Variants in L3MBTL4 observed in about 807,000 individuals in gnomAD.
The protein encoded by L3MBTL4 is L3MBTL histone methyl-lysine binding protein 4, also known as lethal(3)malignant brain tumor-like protein 4.
L3MBTL4 carries 70 observed loss-of-function variants against 84.5 expected under a neutral mutation model. The observed-to-expected ratio is 0.83, with a 90% confidence interval of 0.68 to 1.01. The LOEUF is 1.01. L3MBTL4 is among the 50% of genes least tolerant of loss of function. The pLI is 0.00. For missense variants in L3MBTL4, 715 were observed against 754.8 expected, an observed-to-expected ratio of 0.95 and a Z score of 0.62; for synonymous variants, 274 against 259.8, an observed-to-expected ratio of 1.05 and a Z score of -0.52.
Position 6,342,582 on chromosome 18 carries a change from T to G in L3MBTL4, c.-90-30526A>C, listed in dbSNP as rs148136804. 7.0e-3 allele frequency among the ~76,000 whole-genome samples: 1,070 copies of G among 152,046 alleles called. 18 individuals carry two copies. Among genetic ancestry groups the G allele is most frequent in the African/African-American group, 0.024 (1,012 of 41,478 alleles). On this transcript the variant is annotated intron_variant, in intron 1 of 18. Transcript: ENST00000317931. ...CAAAGAAAGCCGATGTGTTAGGTAT[T>G]TAAAAGAGAAAGATAGAGGAATCAA... is the stretch of plus-strand genomic sequence containing the variant.
At chr18:6,104,839 G>T (rs897775052) in intron 14 of L3MBTL4, among the ~76,000 whole-genome samples, 5 of 152,142 alleles carry the variant, frequency 3.3e-5, no homozygotes, top group Admixed American at 6.5e-5. Flanking sequence ...TATTAAAGAA[G>T]TTGGTTGCCA....
At position 6,098,474 on chromosome 18, in the gene L3MBTL4, A is replaced by G. The variant is rs151252971; in HGVS notation, c.1200-4946T>C. Among the ~76,000 whole-genome samples, 1,036 of 152,352 alleles carry G rather than the reference A, an allele frequency of 6.8e-3. 9 individuals are homozygous for G. The highest frequency in any genetic ancestry group is 0.024 in the African/African-American group (993 of 41,590). On this transcript the variant is annotated intron_variant, in intron 14 of 18. Transcript: ENST00000317931. The stretch of plus-strand genomic sequence containing the variant: ...GACAAATTTAAGCAAAATGGCAAAG[A>G]TGTAATAGCCTCTTGAGTGCTGCAG...
chr18:6,297,087 A>G (rs993994909), intron 4 of L3MBTL4, among the ~76,000 whole-genome samples: 5 of 152,200 alleles, frequency 3.3e-5, no homozygotes, highest in Admixed American at 2.6e-4. Flanking sequence ...GGTTCCATCA[A>G]TTAACACAAT....
chr18:6,036,942 T>G (rs1377466465), intron 16 of L3MBTL4, among the ~76,000 whole-genome samples: 2 of 152,186 alleles, frequency 1.3e-5, no homozygotes, highest in Non-Finnish European at 2.9e-5. Flanking sequence ...GTTTTAGTCT[T>G]TAATGTCTGG....
At chr18:6,074,500 A>T (rs746950043) in intron 16 of L3MBTL4, among the ~76,000 whole-genome samples, 1 of 152,214 alleles carries the variant, frequency 6.6e-6, no homozygotes, top group East Asian at 1.9e-4. Flanking sequence ...ACTTTGAAAG[A>T]GGTAATGTTA....
chr18:6,016,772 T>A (rs893904197), intron 16 of L3MBTL4, among the ~76,000 whole-genome samples: 5 of 152,032 alleles, frequency 3.3e-5, no homozygotes, highest in Admixed American at 2.6e-4. Context: ...CTGACTTCGT[T>A]TTAGGAGGAT....
chr18:6,286,632 A>G (rs1372508502), intron 4 of L3MBTL4, among the ~76,000 whole-genome samples: 1 of 152,190 alleles, frequency 6.6e-6, no homozygotes, highest in African/African-American at 2.4e-5. Context: ...AAACATTTTA[A>G]ATCTCCATAT....
At chr18:5,994,289 T>C (rs986514157) in intron 16 of L3MBTL4, among the ~76,000 whole-genome samples, 1 of 152,216 alleles carries the variant, frequency 6.6e-6, no homozygotes, top group Non-Finnish European at 1.5e-5. Flanking sequence ...AGGCTGGGCC[T>C]GTGTCCGTCT....
chr18:6,374,522 T>A (rs2054287119), intron 1 of L3MBTL4: 1 of 154,768 alleles, frequency 6.5e-6, no homozygotes, highest in African/African-American at 2.4e-5. Context: ...CAAATATTCG[T>A]GGGACAGATG....
At chr18:6,185,551 C>T (rs931580956) in intron 12 of L3MBTL4, among the ~76,000 whole-genome samples, 10 of 152,258 alleles carry the variant, frequency 6.6e-5, no homozygotes, top group African/African-American at 2.4e-4. Flanking sequence ...CTGTACTGAG[C>T]TATCCTGGGT....
chr18:6,056,327 C>T (rs1332137432), intron 16 of L3MBTL4, among the ~76,000 whole-genome samples: 2 of 152,234 alleles, frequency 1.3e-5, no homozygotes, highest in East Asian at 1.9e-4. Flanking sequence ...CAGAAGTTTG[C>T]TTTTGTGTTT....
intron 16 of L3MBTL4, among the ~76,000 whole-genome samples, chr18:6,047,578 G>A (rs2056676698): frequency 6.6e-6 from 1 of 152,184 alleles, no homozygotes; most frequent in Non-Finnish European, 1.5e-5. Context: ...TCATTCCTGG[G>A]ATGCAAGGTT....
chr18:6,401,218 G>A (rs1320184427), intron 1 of L3MBTL4, among the ~76,000 whole-genome samples: 1 of 152,094 alleles, frequency 6.6e-6, no homozygotes, highest in Non-Finnish European at 1.5e-5. Flanking sequence ...ATAATAAAAT[G>A]ATCGTATTCG....
chr18:6,084,025 C>T (rs1287212089), intron 15 of L3MBTL4, among the ~76,000 whole-genome samples: 2 of 152,064 alleles, frequency 1.3e-5, no homozygotes, highest in Non-Finnish European at 2.9e-5. Context: ...AGTGCTAGGC[C>T]CTGAACTGGA....
intron 13 of L3MBTL4, among the ~76,000 whole-genome samples, chr18:6,164,778 C>A (rs2043556620): frequency 6.6e-6 from 1 of 152,226 alleles, no homozygotes; most frequent in Non-Finnish European, 1.5e-5. Flanking sequence ...GAGTGCCTCT[C>A]CTCCTCCAAA....
chr18:6,098,623 G>A (rs972657941), intron 14 of L3MBTL4, among the ~76,000 whole-genome samples: 1 of 152,150 alleles, frequency 6.6e-6, no homozygotes, highest in Non-Finnish European at 1.5e-5. Context: ...TCTCCCAAGA[G>A]GGGCTCAGAT....
At chr18:6,013,560 C>T (rs2054830501) in intron 16 of L3MBTL4, among the ~76,000 whole-genome samples, 1 of 152,240 alleles carries the variant, frequency 6.6e-6, no homozygotes, top group East Asian at 1.9e-4. Flanking sequence ...GCAGCCCTAG[C>T]CCCACCCTTG....
intron 1 of L3MBTL4, among the ~76,000 whole-genome samples, chr18:6,318,728 C>T (rs1275515605): frequency 6.6e-6 from 1 of 151,858 alleles, no homozygotes; most frequent in Admixed American, 6.6e-5. Context: ...CTCATCGAGA[C>T]AGAAGGTCAA....
At chr18:6,380,623 G>A (rs1379266283) in intron 1 of L3MBTL4, among the ~76,000 whole-genome samples, 5 of 152,010 alleles carry the variant, frequency 3.3e-5, no homozygotes, top group South Asian at 2.1e-4. Context: ...GTAGTTGTGC[G>A]GTTTTAAGTG....
Sources: allele counts gnomAD v4.1 joint callset (sites outside exome capture counted in the v4.1 genomes callset), GRCh38; gene constraint gnomAD v4.1.1; transcripts MANE v1.5; gene names NCBI Gene and HGNC (gene_info 2026-07-23, HGNC 2026-07-21).